The following WSCD2 variants were observed in gnomAD, a reference collection of about 807,000 sequenced individuals.
WSCD2 encodes the protein WSC domain sialate O sulfotransferase 2.
Under a neutral mutation model 55.7 loss-of-function variants are expected in WSCD2, and 28 were observed. The observed-to-expected ratio is 0.50, with a 90% CI of 0.37 to 0.69. WSCD2 has a LOEUF of 0.69. WSCD2 is among the 30% of genes least tolerant of loss of function. WSCD2 has a pLI of 0.00. For synonymous variants in WSCD2, 301 were observed against 301.9 expected (o/e 1.00, Z 0.03); for missense variants, 616 against 762.1 (o/e 0.81, Z 2.26).
rs1875237668 is a variant in WSCD2 at position 108,129,365 on chromosome 12, A to T, written c.-1113A>T. 1 of 152,106 alleles carries T rather than the reference A, an allele frequency of 6.6e-6. No individual in the cohort carries two copies. The highest frequency in any genetic ancestry group is 2.4e-5 in the African/African-American group (1 of 41,314). The allele number at this position is 152,106 out of a possible 1,614,324, so 9.4% of individuals were successfully genotyped here. A position where few individuals can be genotyped will look rare whatever the true frequency, so the allele number is the denominator to read the frequency against. On this transcript the variant is annotated 5_prime_UTR_variant, in exon 1 of 9. In the 5' UTR this introduces an upstream ATG that the reference lacks. Coordinates refer to ENST00000547525, the MANE Select transcript of WSCD2 (RefSeq NM_014653.4). ...GACGTGAAGTCCAGGGGAGCGAGCA[A>T]GGCAGCCAAGGAGGCAGCGGCGAGG...
At position 108,210,342 on chromosome 12, in the gene WSCD2, C is replaced by A. The variant is rs780951021; in HGVS notation, c.682+37C>A. The A allele has an allele frequency of 1.6e-5, 24 of 1,531,012 alleles. No individual in the cohort carries two copies. The South Asian group carries it at 2.7e-4, about 17-fold the overall frequency. 94.8% of individuals were successfully genotyped at this position (1,531,012 alleles called of 1,614,324 possible). A position where few individuals can be genotyped will look rare whatever the true frequency, so the allele number is the denominator to read the frequency against. On this transcript the variant is annotated intron_variant, in intron 4 of 8. Coordinates refer to ENST00000547525, the MANE Select transcript of WSCD2 (RefSeq NM_014653.4). The surrounding 1 kb of genome is among the most constrained non-coding windows in gnomAD (Gnocchi z 4.3). ...TGCCCTGCCCCTCTCTGCTGCTCCTCCCTCAGCTGCAGCCCTTGCCCACCA... is the reference window on the plus strand; with the variant it reads ...TGCCCTGCCCCTCTCTGCTGCTCCTACCTCAGCTGCAGCCCTTGCCCACCA...
Position 108,248,040 on chromosome 12 carries a change from A to G in WSCD2, c.1395A>G (p.Thr465=), listed in dbSNP as rs373411891. 6.2e-7 allele frequency: 1 copy of G among 1,614,130 alleles called. No homozygotes were observed. The highest frequency in any genetic ancestry group is 1.7e-5 in the Admixed American group (1 of 60,032). ...RNYAPWWATH[T]LDWLKFGKKV... ...ATGCCCCGTGGTGGGCCACTCACAC[A>G]CTGGACTGGCTCAAGTTTGGCAAGA... The change falls in exon 9 of 9, where the codon ACA becomes ACG. Residue 465 remains threonine, a synonymous_variant. Coordinates refer to ENST00000547525, the MANE Select transcript of WSCD2 (RefSeq NM_014653.4). The surrounding 1 kb of genome is among the most constrained non-coding windows in gnomAD (Gnocchi z 4.3).
At chr12:108,176,479 G>A (rs898783888) in intron 1 of WSCD2, among the ~76,000 whole-genome samples, 16 of 152,204 alleles carry the variant, frequency 1.1e-4, no homozygotes, top group Non-Finnish European at 2.1e-4. Flanking sequence ...TATCAGTGCT[G>A]TTGTGTCATC....
At chr12:108,206,901 G>T (rs902222599) in intron 3 of WSCD2, among the ~76,000 whole-genome samples, 6 of 152,236 alleles carry the variant, frequency 3.9e-5, no homozygotes, top group Admixed American at 3.9e-4. Flanking sequence ...AGATGTGCAT[G>T]TGCATGCAGA....
intron 1 of WSCD2, among the ~76,000 whole-genome samples, chr12:108,173,947 C>G (rs558333945): frequency 2.3e-4 from 35 of 151,886 alleles, no homozygotes; most frequent in Non-Finnish European, 4.9e-4. Flanking sequence ...GCCATTCTCC[C>G]CAAAGCCTGC....
At chr12:108,168,755 A>G (rs1197732188) in intron 1 of WSCD2, among the ~76,000 whole-genome samples, 3 of 152,244 alleles carry the variant, frequency 2.0e-5, no homozygotes, top group African/African-American at 7.2e-5. Context: ...CCTGTGACAT[A>G]AAACTTCTCC....
chr12:108,223,267 C>T (rs1192042110), intron 4 of WSCD2, among the ~76,000 whole-genome samples: 1 of 152,206 alleles, frequency 6.6e-6, no homozygotes, highest in Non-Finnish European at 1.5e-5. Flanking sequence ...TAAAATTTAT[C>T]CTTCACACCT....
intron 1 of WSCD2, among the ~76,000 whole-genome samples, chr12:108,169,190 C>T (rs982591789): frequency 2.0e-5 from 3 of 152,144 alleles, no homozygotes; most frequent in South Asian, 2.1e-4. Flanking sequence ...CGTCTAGTTG[C>T]AGGAAAACAA....
At chr12:108,244,037 C>A (rs1889930922) in intron 8 of WSCD2, among the ~76,000 whole-genome samples, 1 of 152,164 alleles carries the variant, frequency 6.6e-6, no homozygotes, top group African/African-American at 2.4e-5. Context: ...GAAACAGATA[C>A]TGTGTTTAAT....
Position 108,196,019 on chromosome 12 carries a change from G to A in WSCD2, c.187G>A (p.Glu63Lys). Residue 63 changes from glutamate to lysine, a missense_variant, in exon 2 of 9, where the codon GAG becomes AAG. Physicochemically the swap from Glu to Lys is moderately conservative, Grantham distance 56. Around this residue, in one of 3 missense-constraint regions of WSCD2, gnomAD observed 374 missense variants for 467.4 expected, o/e 0.80. Coordinates refer to ENST00000547525, the MANE Select transcript of WSCD2 (RefSeq NM_014653.4). The stretch of plus-strand genomic sequence containing the variant: ...TGCAGGAGGCCCAGCTGAGGGTGCT[G>A]AGCTGTCCTTCTTGGGTGACATGCA... ...AAAGGPAEGA[E>K]LSFLGDMHLG... The A allele has an allele frequency of 6.2e-7, 1 of 1,614,258 alleles. No individual in the cohort carries two copies. The highest frequency in any genetic ancestry group is 8.5e-7 in the Non-Finnish European group (1 of 1,180,042).
intron 2 of WSCD2, among the ~76,000 whole-genome samples, chr12:108,202,985 GAGACATCTCCTCCCA>G (rs1251559242): frequency 3.3e-5 from 5 of 152,160 alleles, no homozygotes; most frequent in Admixed American, 1.3e-4. Flanking sequence ...TCTCTCTGGG[GAGACATCTCCTCCCA>G]AGACATCTCC....
At chr12:108,162,809 C>A (rs112621253) in intron 1 of WSCD2, among the ~76,000 whole-genome samples, 31 of 152,290 alleles carry the variant, frequency 2.0e-4, no homozygotes, top group African/African-American at 7.2e-4. Flanking sequence ...TGGAGTCTGA[C>A]AGACCTGGTT....
intron 1 of WSCD2, among the ~76,000 whole-genome samples, chr12:108,180,050 C>CAAAAAAAAAAAAAAAAA (rs59925486): frequency 1.2e-4 from 14 of 116,672 alleles, no homozygotes; most frequent in Non-Finnish European, 1.8e-4. Context: ...CTCAAAAAAA[C>CAAAAAAAAAAAAAAAAA]AAAAAAAAAA....
At chr12:108,207,188 C>T (rs1885501977) in intron 3 of WSCD2, among the ~76,000 whole-genome samples, 2 of 152,216 alleles carry the variant, frequency 1.3e-5, no homozygotes, top group Admixed American at 6.5e-5. Flanking sequence ...CTGAGCTTCT[C>T]TCCTTGTTTC....
chr12:108,175,635 A>C (rs995176510), intron 1 of WSCD2, among the ~76,000 whole-genome samples: 1 of 152,180 alleles, frequency 6.6e-6, no homozygotes, highest in Non-Finnish European at 1.5e-5. Flanking sequence ...AGGCAATGGG[A>C]TGAGGGGCGT....
intron 1 of WSCD2, among the ~76,000 whole-genome samples, chr12:108,149,530 G>A (rs896006000): frequency 5.9e-5 from 9 of 152,156 alleles, no homozygotes; most frequent in African/African-American, 2.2e-4. Flanking sequence ...TCCTGTTGAG[G>A]GCCCACTTGA....
At chr12:108,166,781 C>CTTTCTTTCT in intron 1 of WSCD2, among the ~76,000 whole-genome samples, 1 of 136,036 alleles carries the variant, frequency 7.4e-6, no homozygotes, top group East Asian at 2.1e-4. Flanking sequence ...TTCTTTCTTT[C>CTTTCTTTCT]TTTCTTTCTG....
Position 108,162,202 on chromosome 12 carries a change from T to C in WSCD2, c.-552+32276T>C, listed in dbSNP as rs554173641. On this transcript the variant is annotated intron_variant, in intron 1 of 8. Coordinates refer to ENST00000547525, the MANE Select transcript of WSCD2 (RefSeq NM_014653.4). The stretch of plus-strand genomic sequence containing the variant: ...GTGACCTCAGATTCTCTTCCAAGCC[T>C]GAAGACAACGTTGGCCACGTTGTTC... Among the ~76,000 whole-genome samples, 3 of 152,342 alleles carry C rather than the reference T, an allele frequency of 2.0e-5. No individual in the cohort carries two copies. The East Asian group carries it at 5.8e-4, about 29-fold the overall frequency.
chr12:108,227,874 AAAG>A (rs1888309832), intron 6 of WSCD2, among the ~76,000 whole-genome samples: 1 of 152,082 alleles, frequency 6.6e-6, no homozygotes, highest in East Asian at 1.9e-4. Flanking sequence ...AGTGATGATG[AAAG>A]TGATGATGAC....
Sources: gnomAD v4.1 joint callset for allele counts (sites outside exome capture counted in the v4.1 genomes callset) on GRCh38, gnomAD v4.1.1 for gene constraint, gnomAD v4.1.1 regional missense constraint, Gnocchi (gnomAD v3.1) non-coding constraint, MANE v1.5 for transcripts, NCBI Gene and HGNC (gene_info 2026-07-23, HGNC 2026-07-21) for gene names.